Variants in ANKS1A observed in about 807,000 individuals in gnomAD.
The protein encoded by ANKS1A is ankyrin repeat and sterile alpha motif domain containing 1A.
ANKS1A carries 55 observed loss-of-function variants against 120.3 expected under a neutral mutation model. That is an observed-to-expected ratio of 0.46 (90% CI 0.37 to 0.57). The LOEUF (loss-of-function observed/expected upper bound fraction) is 0.57. Among genes scored for constraint, ANKS1A ranks in the 20% least tolerant of loss-of-function variants. The pLI is 0.00. For synonymous variants in ANKS1A, 590 were observed against 604.7 expected (o/e 0.98, Z 0.36); for missense variants, 1,123 against 1,480.3 (o/e 0.76, Z 3.96).
rs149219498 is a variant in ANKS1A, at chr6:34,989,260, G to T, written c.1246G>T (p.Asp416Tyr). The T allele has an allele frequency of 6.2e-7, 1 of 1,614,054 alleles. No individual in the cohort carries two copies. Among genetic ancestry groups the T allele is most frequent in the Non-Finnish European group, 8.5e-7 (1 of 1,179,932 alleles). The change falls in exon 9 of 24, where the codon GAT (aspartate) becomes TAT (tyrosine). Residue 416 changes from aspartate (D) to tyrosine (Y), a missense_variant. This residue lies in a region of ANKS1A where 904 missense variants were observed against 1,130.4 expected (regional missense o/e 0.80). Coordinates refer to ENST00000360359, the MANE Select transcript of ANKS1A (RefSeq NM_015245.3). ...RPPPPAKPPP[D>Y]EEEEDHIDKK... The stretch of plus-strand genomic sequence containing the variant: ...ACCACCTCCAGCAAAGCCACCGCCC[G>T]ATGAAGAGGAAGAAGACCACATAGA...
intron 10 of ANKS1A, among the ~76,000 whole-genome samples, chr6:35,016,024 G>A (rs750416059): frequency 2.6e-5 from 4 of 152,232 alleles, no homozygotes; most frequent in Non-Finnish European, 5.9e-5. Context: ...AGGGGGAGAA[G>A]TGTGCCATCA....
At chr6:34,975,017 G>A (rs1013752077) in intron 3 of ANKS1A, among the ~76,000 whole-genome samples, 2 of 152,144 alleles carry the variant, frequency 1.3e-5, no homozygotes, top group Admixed American at 6.5e-5. Flanking sequence ...TAAGACTTTG[G>A]TTCTTGAAAG....
At chr6:35,078,516 T>G in intron 13 of ANKS1A, 42 bp from the exon 14 acceptor site, 1 of 1,581,352 alleles carries the variant, frequency 6.3e-7, no homozygotes, top group Non-Finnish European at 8.7e-7. Context: ...CCACCAGCCA[T>G]CCATCCAGGA....
intron 16 of ANKS1A, 51 bp from the exon 17 acceptor site, chr6:35,080,943 C>A: frequency 1.3e-6 from 2 of 1,583,310 alleles, no homozygotes; most frequent in South Asian, 1.2e-5. Context: ...TACCTGTAGT[C>A]GGGCACTGGG....
At chr6:35,030,617 A>C (rs1440353196) in intron 11 of ANKS1A, among the ~76,000 whole-genome samples, 2 of 152,180 alleles carry the variant, frequency 1.3e-5, no homozygotes, top group Admixed American at 1.3e-4. Context: ...TGTAAACCAC[A>C]AGTAACCCCC....
intron 3 of ANKS1A, among the ~76,000 whole-genome samples, chr6:34,978,571 C>G (rs756764013): frequency 6.6e-6 from 1 of 151,988 alleles, no homozygotes; most frequent in Non-Finnish European, 1.5e-5. Flanking sequence ...TTTGGGAGGC[C>G]GAGGCGGGCA....
intron 11 of ANKS1A, among the ~76,000 whole-genome samples, chr6:35,035,470 G>T (rs926588229): frequency 6.6e-6 from 1 of 152,164 alleles, no homozygotes; most frequent in East Asian, 1.9e-4. Context: ...ATATGTAAAA[G>T]CATTTTATTT....
intron 12 of ANKS1A, among the ~76,000 whole-genome samples, chr6:35,055,106 C>T (rs1465130844): frequency 6.6e-6 from 1 of 152,182 alleles, no homozygotes; most frequent in Non-Finnish European, 1.5e-5. Context: ...GATGGGTGGG[C>T]TTGAGTGTGC....
chr6:34,971,890 A>G (rs1270955064), intron 3 of ANKS1A, among the ~76,000 whole-genome samples: 1 of 152,244 alleles, frequency 6.6e-6, no homozygotes, highest in African/African-American at 2.4e-5. Flanking sequence ...ACAGACATTT[A>G]AAATCATCAG....
intron 8 of ANKS1A, among the ~76,000 whole-genome samples, chr6:34,988,545 G>A (rs1213342692): frequency 3.9e-5 from 6 of 152,208 alleles, no homozygotes; most frequent in African/African-American, 9.7e-5. Context: ...GCAGTGAGCC[G>A]AGATCGCGCC....
At position 34,988,945 on chromosome 6, in the gene ANKS1A, A is replaced by G. The variant is rs551598253; in HGVS notation, c.1210-279A>G. Among the ~76,000 whole-genome samples, 9 of 152,310 alleles carry G rather than the reference A, an allele frequency of 5.9e-5. 1 individual carries two copies. The highest frequency in any genetic ancestry group is 1.7e-4 in the African/African-American group (7 of 41,564). On this transcript the variant is annotated intron_variant, in intron 8 of 23. Transcript: ENST00000360359. Reference sequence around the variant, plus strand: ...AAGGAAATTTTCTAACAAGGCAGTTATGTGTTCTCAGTACTGGCATTTCTC... The same window carrying G: ...AAGGAAATTTTCTAACAAGGCAGTTGTGTGTTCTCAGTACTGGCATTTCTC...
At chr6:35,069,232 T>C (rs944040782) in intron 13 of ANKS1A, among the ~76,000 whole-genome samples, 5 of 152,018 alleles carry the variant, frequency 3.3e-5, no homozygotes, top group African/African-American at 1.2e-4. Context: ...GGCTTTCTGA[T>C]TGTGGTTATG....
At position 35,054,023 on chromosome 6, in the gene ANKS1A, A is replaced by C. The variant is rs1168058170; in HGVS notation, c.2011-76A>C. 5.6e-6 allele frequency: 7 copies of C among 1,240,630 alleles called. No homozygotes were observed. The East Asian group carries it at 1.4e-4, about 25-fold the overall frequency. The allele number at this position is 1,240,630 out of a possible 1,614,324, so 76.9% of individuals were successfully genotyped here. A position where few individuals can be genotyped will look rare whatever the true frequency, so the allele number is the denominator to read the frequency against. The stretch of plus-strand genomic sequence containing the variant: ...GAAAGAGACCTGGAGGTCAGACCCC[A>C]CTGGCGCTGTGGTGAGCTGGTAAGG... On this transcript the variant is annotated intron_variant, in intron 11 of 23. Coordinates refer to ENST00000360359, the MANE Select transcript of ANKS1A (RefSeq NM_015245.3).
At chr6:35,055,122 A>G (rs1481169347) in intron 12 of ANKS1A, among the ~76,000 whole-genome samples, 1 of 152,158 alleles carries the variant, frequency 6.6e-6, no homozygotes, top group East Asian at 1.9e-4. Context: ...TGTGCACATC[A>G]GGGAGAAAGG....
At chr6:35,062,240 A>T (rs949173221) in intron 13 of ANKS1A, among the ~76,000 whole-genome samples, 3 of 152,164 alleles carry the variant, frequency 2.0e-5, no homozygotes, top group African/African-American at 4.8e-5. Context: ...TCTATACAAG[A>T]AGGAACGTCG....
At chr6:34,959,437 A>G (rs1366658954) in intron 1 of ANKS1A, among the ~76,000 whole-genome samples, 1 of 149,184 alleles carries the variant, frequency 6.7e-6, no homozygotes, top group African/African-American at 2.4e-5. Flanking sequence ...CCAATTCCTT[A>G]CATAGTGCTC....
Position 34,889,572 on chromosome 6 carries a change from C to A in ANKS1A, c.170C>A (p.Ser57Tyr). 1 of 1,289,886 alleles carries A rather than the reference C, an allele frequency of 7.8e-7. No homozygotes were observed. Among genetic ancestry groups the A allele is most frequent in the South Asian group, 3.3e-5 (1 of 30,478 alleles). 79.9% of individuals were successfully genotyped at this position (1,289,886 alleles called of 1,614,324 possible). A position where few individuals can be genotyped will look rare whatever the true frequency, so the allele number is the denominator to read the frequency against. Residue 57 changes from serine to tyrosine, a missense_variant, in exon 1 of 24, where the codon TCC becomes TAC. Around this residue, in one of 3 missense-constraint regions of ANKS1A, gnomAD observed 73 missense variants for 82.2 expected, o/e 0.89. Coordinates refer to ENST00000360359, the MANE Select transcript of ANKS1A (RefSeq NM_015245.3). The surrounding 1 kb of genome is among the most constrained non-coding windows in gnomAD (Gnocchi z 5.5). ...GGCGGCGGCGGCGGCCTCGGCTCTT[C>A]CAGCCACCCCCTCTCCAGTCTGCTC... Reference protein sequence around the residue: ...SGGGGGGLGSSSHPLSSLLSM... With the variant: ...SGGGGGGLGSYSHPLSSLLSM...
chr6:34,944,725 C>T (rs1448319171), intron 1 of ANKS1A, among the ~76,000 whole-genome samples: 1 of 152,172 alleles, frequency 6.6e-6, no homozygotes, highest in East Asian at 1.9e-4. Context: ...GGTTTTCCAT[C>T]TGCAAATACG....
At chr6:35,080,773 A>G (rs1041126985) in intron 16 of ANKS1A, among the ~76,000 whole-genome samples, 2 of 152,108 alleles carry the variant, frequency 1.3e-5, no homozygotes, top group Admixed American at 6.5e-5. Context: ...TTAATCTTTT[A>G]TAAATGCAAA....
Sources: gnomAD v4.1 joint callset for allele counts (sites outside exome capture counted in the v4.1 genomes callset) on GRCh38, gnomAD v4.1.1 for gene constraint, gnomAD v4.1.1 regional missense constraint, Gnocchi (gnomAD v3.1) non-coding constraint, MANE v1.5 for transcripts, NCBI Gene and HGNC (gene_info 2026-07-23, HGNC 2026-07-21) for gene names.